Variants in CNTNAP5 observed in about 807,000 individuals in gnomAD.
CNTNAP5 encodes the protein contactin associated protein family member 5.
A neutral mutation model predicts 150.2 loss-of-function variants in CNTNAP5; 72 were observed. The observed-to-expected ratio is 0.48, with a 90% CI of 0.40 to 0.58. The LOEUF (loss-of-function observed/expected upper bound fraction) is 0.58, where lower values mean the gene tolerates loss of function less well. Ranked by LOEUF, CNTNAP5 falls within the 20% of genes least tolerant of loss-of-function variation. CNTNAP5 has a pLI of 0.00. For missense variants in CNTNAP5, 1,636 were observed against 1,626.2 expected, an observed-to-expected ratio of 1.01 and a Z score of -0.10; for synonymous variants, 672 against 619.8, an observed-to-expected ratio of 1.08 and a Z score of -1.25.
At chr2:124,727,833 T>C (rs1680190601) in intron 13 of CNTNAP5, among the ~76,000 whole-genome samples, 1 of 152,010 alleles carries the variant, frequency 6.6e-6, no homozygotes, top group African/African-American at 2.4e-5. Flanking sequence ...GCCAGGACTT[T>C]AAGTACTATG....
At chr2:124,386,725 A>T (rs1290352967) in intron 3 of CNTNAP5, among the ~76,000 whole-genome samples, 2 of 146,894 alleles carry the variant, frequency 1.4e-5, no homozygotes, top group African/African-American at 5.1e-5. Context: ...TGATTATTTC[A>T]AATGTCTCCC....
chr2:124,147,641 C>T (rs765113336), intron 1 of CNTNAP5, among the ~76,000 whole-genome samples: 1 of 152,212 alleles, frequency 6.6e-6, no homozygotes, highest in African/African-American at 2.4e-5. Flanking sequence ...CTTCTGACAG[C>T]GCTACAGCTC....
intron 19 of CNTNAP5, among the ~76,000 whole-genome samples, chr2:124,802,877 C>A (rs1384349274): frequency 1.3e-5 from 2 of 152,100 alleles, no homozygotes; most frequent in African/African-American, 2.4e-5. Context: ...GTAATCCCAG[C>A]ACTTTGGGAG....
chr2:124,349,986 G>C (rs1689837608), intron 3 of CNTNAP5, among the ~76,000 whole-genome samples: 1 of 139,954 alleles, frequency 7.1e-6, no homozygotes. Flanking sequence ...CTGGGTTCAA[G>C]CGATTCTCCT....
Position 124,412,921 on chromosome 2 carries a change from A to T in CNTNAP5, c.382-4522A>T, listed in dbSNP as rs926399013. ...AAAGAGCTTCTGCACAGCAAAAGAA[A>T]CTACTATCAGAGTGAACAGACAACC... On this transcript the variant is annotated intron_variant, in intron 3 of 23. Coordinates refer to ENST00000682447, the MANE Select transcript of CNTNAP5 (RefSeq NM_001367498.1). Among the ~76,000 whole-genome samples the T allele has an allele frequency of 1.9e-5, 2 of 105,658 alleles. 1 individual carries two copies. Among genetic ancestry groups the T allele is most frequent in the African/African-American group, 7.7e-5 (2 of 26,006 alleles). The allele number at this position is 105,658 out of a possible 152,430, so 69.3% of individuals were successfully genotyped here. A position where few individuals can be genotyped will look rare whatever the true frequency, so the allele number is the denominator to read the frequency against.
intron 16 of CNTNAP5, among the ~76,000 whole-genome samples, chr2:124,765,227 C>CA (rs1200961570): frequency 3.3e-5 from 5 of 151,882 alleles, no homozygotes; most frequent in East Asian, 1.9e-4. Flanking sequence ...TCTCTGCAAG[C>CA]AAAAAAATTC....
chr2:124,542,837 C>T (rs2104908090), intron 10 of CNTNAP5, among the ~76,000 whole-genome samples: 1 of 152,124 alleles, frequency 6.6e-6, no homozygotes, highest in African/African-American at 2.4e-5. Flanking sequence ...ACCTTTTGAG[C>T]TTTAACAGCA....
intron 21 of CNTNAP5, among the ~76,000 whole-genome samples, chr2:124,885,573 A>G (rs1307249326): frequency 2.0e-5 from 3 of 151,512 alleles, no homozygotes; most frequent in Non-Finnish European, 4.4e-5. Flanking sequence ...ACACACACAC[A>G]CACACACACA....
At chr2:124,614,864 T>G (rs952185511) in intron 12 of CNTNAP5, among the ~76,000 whole-genome samples, 1 of 152,174 alleles carries the variant, frequency 6.6e-6, no homozygotes, top group Non-Finnish European at 1.5e-5. Flanking sequence ...CTCAGCCTTA[T>G]TTTACCCAGT....
At chr2:124,674,266 G>T (rs1251307512) in intron 13 of CNTNAP5, among the ~76,000 whole-genome samples, 1 of 151,874 alleles carries the variant, frequency 6.6e-6, no homozygotes, top group Non-Finnish European at 1.5e-5. Context: ...TTTTGGCTTA[G>T]TTTGCGCTTC....
chr2:124,178,923 T>G (rs1379432183), intron 1 of CNTNAP5, among the ~76,000 whole-genome samples: 1 of 145,020 alleles, frequency 6.9e-6, no homozygotes, highest in East Asian at 2.0e-4. Flanking sequence ...TATTTATTTA[T>G]TTATTTATTT....
At chr2:124,289,581 A>G (rs894164104) in intron 3 of CNTNAP5, among the ~76,000 whole-genome samples, 1 of 152,250 alleles carries the variant, frequency 6.6e-6, no homozygotes, top group South Asian at 2.1e-4. Flanking sequence ...AAATCTATAC[A>G]TTTATAACCA....
At chr2:124,271,667 A>G (rs1687757325) in intron 3 of CNTNAP5, among the ~76,000 whole-genome samples, 1 of 114,224 alleles carries the variant, frequency 8.8e-6, no homozygotes, top group African/African-American at 3.3e-5. Context: ...TAATCTATCT[A>G]TCTATCTATC....
chr2:124,457,611 G>C (rs537491327), intron 6 of CNTNAP5, among the ~76,000 whole-genome samples: 1 of 152,048 alleles, frequency 6.6e-6, no homozygotes, highest in East Asian at 1.9e-4. Context: ...ATAGGTAAAC[G>C]TGTGCCATGG....
chr2:124,365,307 C>A (rs1430886092), intron 3 of CNTNAP5, among the ~76,000 whole-genome samples: 14 of 145,648 alleles, frequency 9.6e-5, no homozygotes, highest in Non-Finnish European at 2.1e-4. Flanking sequence ...GAGAGCAAGA[C>A]TCTGTCCCAA....
At chr2:124,503,628 A>C (rs368748605) in intron 7 of CNTNAP5, among the ~76,000 whole-genome samples, 1 of 152,190 alleles carries the variant, frequency 6.6e-6, no homozygotes, top group Admixed American at 6.5e-5. Context: ...GTTTGAATGA[A>C]AACCATTCAG....
intron 7 of CNTNAP5, among the ~76,000 whole-genome samples, chr2:124,491,822 C>T (rs1365862013): frequency 2.0e-5 from 3 of 151,648 alleles, no homozygotes; most frequent in Non-Finnish European, 4.4e-5. Flanking sequence ...GTGGTTTCAA[C>T]TTGCATTGTG....
intron 1 of CNTNAP5, among the ~76,000 whole-genome samples, chr2:124,037,390 C>G (rs971425805): frequency 6.6e-6 from 1 of 152,170 alleles, no homozygotes; most frequent in Non-Finnish European, 1.5e-5. Flanking sequence ...CTCCCATGTT[C>G]ATTGCAGCAT....
intron 1 of CNTNAP5, among the ~76,000 whole-genome samples, chr2:124,126,068 C>T (rs949529003): frequency 6.6e-6 from 1 of 151,978 alleles, no homozygotes; most frequent in Non-Finnish European, 1.5e-5. Flanking sequence ...AAGATCAGAG[C>T]AGAACTGAAG....
Sources: allele counts gnomAD v4.1 joint callset (sites outside exome capture counted in the v4.1 genomes callset), GRCh38; gene constraint gnomAD v4.1.1; transcripts MANE v1.5; gene names NCBI Gene and HGNC (gene_info 2026-07-23, HGNC 2026-07-21).